The following FER variants were observed in gnomAD, a reference collection of about 807,000 sequenced individuals.
FER encodes the protein tyrosine-protein kinase Fer.
Under a neutral mutation model 111.0 loss-of-function variants are expected in FER, and 63 were observed. That is an observed-to-expected ratio of 0.57 (90% confidence interval 0.46 to 0.70). The LOEUF (loss-of-function observed/expected upper bound fraction) is 0.70. Ranked by LOEUF, FER falls within the 30% of genes least tolerant of loss-of-function variation. The pLI is 0.00. For missense variants in FER, 914 were observed against 954.0 expected (o/e 0.96, Z 0.55); for synonymous variants, 327 against 313.9 (o/e 1.04, Z -0.44).
At chr5:109,064,775 T>C (rs17534438) in intron 16 of FER, among the ~76,000 whole-genome samples, 16,384 of 152,224 alleles carry the variant, frequency 0.11, 907 homozygotes, top group Non-Finnish European at 0.13. Flanking sequence ...CTTTCTGTTA[T>C]TTGAAGTTCC....
chr5:108,888,425 T>C (rs1581061949), intron 9 of FER, among the ~76,000 whole-genome samples: 2 of 151,910 alleles, frequency 1.3e-5, no homozygotes, highest in East Asian at 1.9e-4. Context: ...AGGGTTCAGA[T>C]AGAAGAATAA....
chr5:108,879,701 A>AAATATATATATATATATATATAT, intron 8 of FER, among the ~76,000 whole-genome samples: 14 of 99,090 alleles, frequency 1.4e-4, no homozygotes, highest in South Asian at 6.3e-4. Flanking sequence ...ATTAAAAAAA[A>AAATATATATATATATATATATAT]ATATATATAT....
At chr5:109,160,805 G>T (rs893845537) in intron 17 of FER, among the ~76,000 whole-genome samples, 1 of 152,110 alleles carries the variant, frequency 6.6e-6, no homozygotes, top group East Asian at 1.9e-4. Flanking sequence ...TTGTGTAGCT[G>T]TATAAAAACA....
chr5:108,833,525 T>A (rs1355150265), intron 4 of FER, among the ~76,000 whole-genome samples: 1 of 151,870 alleles, frequency 6.6e-6, no homozygotes, highest in Non-Finnish European at 1.5e-5. Flanking sequence ...TTTAAAGGTA[T>A]CATTTTATCC....
intron 17 of FER, among the ~76,000 whole-genome samples, chr5:109,147,907 T>TCAA (rs1754419998): frequency 6.6e-6 from 1 of 151,866 alleles, no homozygotes; most frequent in Non-Finnish European, 1.5e-5. Context: ...GTTTGTTCTT[T>TCAA]TTTTCCATTG....
chr5:108,999,573 A>G (rs1344118285), intron 13 of FER, among the ~76,000 whole-genome samples: 4 of 152,116 alleles, frequency 2.6e-5, no homozygotes, highest in African/African-American at 9.7e-5. Flanking sequence ...GTAGAGTACC[A>G]AGAAGAAAGG....
chr5:108,897,608 C>T, intron 9 of FER, 51 bp from the exon 10 acceptor site: 1 of 1,331,670 alleles, frequency 7.5e-7, no homozygotes. Context: ...ATGAGGTTTC[C>T]TTAATGTCTT....
chr5:108,760,923 CT>C (rs1288107505), intron 1 of FER, among the ~76,000 whole-genome samples: 1 of 150,682 alleles, frequency 6.6e-6, no homozygotes, highest in Non-Finnish European at 1.5e-5. Flanking sequence ...CTTATTTTGG[CT>C]TTCTTTTCTT....
intron 1 of FER, among the ~76,000 whole-genome samples, chr5:108,751,241 A>G (rs1463629562): frequency 3.3e-5 from 5 of 152,260 alleles, no homozygotes; most frequent in South Asian, 4.1e-4. Context: ...AGCCCAGCAT[A>G]TGTATATACA....
intron 8 of FER, among the ~76,000 whole-genome samples, chr5:108,881,006 C>T (rs915861973): frequency 2.6e-5 from 4 of 152,046 alleles, no homozygotes; most frequent in African/African-American, 9.7e-5. Flanking sequence ...ATAAGAGATT[C>T]AAACAATGAT....
At chr5:108,799,955 G>C (rs1175990709) in intron 3 of FER, among the ~76,000 whole-genome samples, 1 of 150,906 alleles carries the variant, frequency 6.6e-6, no homozygotes, top group Non-Finnish European at 1.5e-5. Context: ...TGATTCTTGT[G>C]TCTCCGCCTC....
At chr5:109,057,450 G>C (rs998085269) in intron 16 of FER, among the ~76,000 whole-genome samples, 3 of 152,122 alleles carry the variant, frequency 2.0e-5, no homozygotes, top group African/African-American at 7.2e-5. Flanking sequence ...AGAATATTCA[G>C]ATATTAGAAG....
intron 10 of FER, among the ~76,000 whole-genome samples, chr5:108,944,949 A>G (rs988639739): frequency 3.3e-5 from 5 of 151,180 alleles, no homozygotes; most frequent in Non-Finnish European, 7.4e-5. Flanking sequence ...TTTATCCCCT[A>G]ACTGGACCTC....
At chr5:108,783,141 T>A (rs563571049) in intron 2 of FER, among the ~76,000 whole-genome samples, 24 of 152,270 alleles carry the variant, frequency 1.6e-4, no homozygotes, top group Admixed American at 1.4e-3. Context: ...CGTGAGGCTT[T>A]CTTAATTTTT....
chr5:109,117,804 C>CTGT (rs1007003845), intron 17 of FER, among the ~76,000 whole-genome samples: 32 of 151,384 alleles, frequency 2.1e-4, no homozygotes, highest in Non-Finnish European at 4.7e-4. Flanking sequence ...ATTTGGCTCT[C>CTGT]TGTTTGTCTG....
At chr5:108,844,996 GTATATATATATATATA>G (rs1178206742) in intron 5 of FER, among the ~76,000 whole-genome samples, 328 of 29,286 alleles carry the variant, frequency 0.011, 5 homozygotes, top group Middle Eastern at 0.026. Context: ...GTGTGTGTGT[GTATATATATATATATA>G]TATATATATA....
chr5:109,062,994 C>G (rs1331983749), intron 16 of FER, among the ~76,000 whole-genome samples: 4 of 152,124 alleles, frequency 2.6e-5, no homozygotes, highest in African/African-American at 9.7e-5. Context: ...CAGAATTTAT[C>G]TCACCTCTGT....
At chr5:108,898,221 G>T (rs1387232596) in intron 10 of FER, among the ~76,000 whole-genome samples, 1 of 152,112 alleles carries the variant, frequency 6.6e-6, no homozygotes, top group African/African-American at 2.4e-5. Flanking sequence ...TTATTTATCT[G>T]AGATTGCTGG....
intron 13 of FER, 35 bp from the exon 14 acceptor site, chr5:109,037,387 T>G (rs2149881325): frequency 6.3e-7 from 1 of 1,582,326 alleles, no homozygotes; most frequent in Non-Finnish European, 8.7e-7. Flanking sequence ...GTACCCTTGC[T>G]TGTACTAAAC....
Sources: gnomAD v4.1 joint callset for allele counts (sites outside exome capture counted in the v4.1 genomes callset) on GRCh38, gnomAD v4.1.1 for gene constraint, MANE v1.5 for transcripts, NCBI Gene and HGNC (gene_info 2026-07-23, HGNC 2026-07-21) for gene names.